PIBF1: variants seen among roughly 807,000 people sequenced by gnomAD.
The protein encoded by PIBF1 is progesterone-induced-blocking factor 1.
Under a neutral mutation model 112.5 loss-of-function variants are expected in PIBF1, and 90 were observed. The observed-to-expected ratio is 0.80, with a 90% CI of 0.67 to 0.95. The LOEUF (loss-of-function observed/expected upper bound fraction) is 0.95. Among genes scored for constraint, PIBF1 ranks in the 40% least tolerant of loss-of-function variants. PIBF1 has a pLI of 0.00. For synonymous variants in PIBF1, 301 were observed against 288.6 expected (o/e 1.04, Z -0.44); for missense variants, 915 against 852.3 (o/e 1.07, Z -0.92).
intron 9 of PIBF1, among the ~76,000 whole-genome samples, chr13:72,850,431 T>C (rs537946254): frequency 6.6e-6 from 1 of 152,258 alleles, no homozygotes; most frequent in Non-Finnish European, 1.5e-5. Context: ...CTTAACATAG[T>C]ACCCGCTAAT....
At chr13:72,819,986 T>C (rs2138113535) in intron 5 of PIBF1, among the ~76,000 whole-genome samples, 1 of 152,288 alleles carries the variant, frequency 6.6e-6, no homozygotes, top group Admixed American at 6.5e-5. Context: ...CTTGTATTTA[T>C]GTTCCTCCAA....
chr13:72,941,720 G>GC (rs1357053329), intron 14 of PIBF1, among the ~76,000 whole-genome samples: 1 of 152,142 alleles, frequency 6.6e-6, no homozygotes, highest in Non-Finnish European at 1.5e-5. Context: ...GCGTCAAGGT[G>GC]CATAGGTAAA....
At chr13:72,870,898 A>C (rs903644010) in intron 10 of PIBF1, among the ~76,000 whole-genome samples, 2 of 152,046 alleles carry the variant, frequency 1.3e-5, no homozygotes, top group Non-Finnish European at 2.9e-5. Flanking sequence ...ATAAGGATAG[A>C]CAGTTTCATT....
At chr13:72,913,213 C>G (rs9543173) in intron 12 of PIBF1, among the ~76,000 whole-genome samples, 20,265 of 151,882 alleles carry the variant, frequency 0.13, 1,569 homozygotes, top group Non-Finnish European at 0.17. Context: ...AAACACATGT[C>G]TGTACATTTC....
chr13:72,951,799 T>C (rs2042303932), intron 14 of PIBF1, among the ~76,000 whole-genome samples: 1 of 152,140 alleles, frequency 6.6e-6, no homozygotes, highest in South Asian at 2.1e-4. Context: ...CCTCCCAGGC[T>C]CAAGCAATTC....
intron 11 of PIBF1, among the ~76,000 whole-genome samples, chr13:72,906,816 G>T (rs987717292): frequency 2.0e-5 from 3 of 152,014 alleles, no homozygotes; most frequent in Non-Finnish European, 1.5e-5. Flanking sequence ...TTTGCAGGGG[G>T]AGGTGGGGTA....
chr13:72,928,008 T>TATATATATATAC lies in PIBF1; in HGVS notation c.1731-3150_1731-3149insTATACATATATA, dbSNP rs1386889197. The stretch of plus-strand genomic sequence containing the variant: ...ATATATACACACACATATATATACA[T>TATATATATATAC]ATATATACATATATATACATATATA... On this transcript the variant is annotated intron_variant, in intron 13 of 17. Transcript: ENST00000326291. Among the ~76,000 whole-genome samples the TATATATATATAC allele has an allele frequency of 2.5e-4, 17 of 68,928 alleles. 1 individual carries two copies. Among genetic ancestry groups the TATATATATATAC allele is most frequent in the African/African-American group, 9.9e-4 (15 of 15,140 alleles). The allele number at this position is 68,928 out of a possible 152,430, so 45.2% of individuals were successfully genotyped here.
intron 9 of PIBF1, among the ~76,000 whole-genome samples, chr13:72,835,806 A>AAT (rs978359575): frequency 2.2e-4 from 34 of 152,308 alleles, no homozygotes; most frequent in African/African-American, 7.9e-4. Flanking sequence ...ATCCTGAAGA[A>AAT]ATATCATTTT....
Position 72,963,342 on chromosome 13 carries a change from C to T in PIBF1, c.1834-1932C>T, listed in dbSNP as rs955703379. Reference sequence around the variant, plus strand: ...GACCCAATGGCTCATGCCTGTAATCCCAGCACTTTGGGAGGCCAAGGCAGG... The same window carrying T: ...GACCCAATGGCTCATGCCTGTAATCTCAGCACTTTGGGAGGCCAAGGCAGG... On this transcript the variant is annotated intron_variant, in intron 14 of 17. Coordinates refer to ENST00000326291, the MANE Select transcript of PIBF1 (RefSeq NM_006346.4). Among the ~76,000 whole-genome samples the T allele has an allele frequency of 2.6e-5, 4 of 152,076 alleles. 1 individual carries two copies. The highest frequency in any genetic ancestry group is 9.7e-5 in the African/African-American group (4 of 41,410).
intron 16 of PIBF1, among the ~76,000 whole-genome samples, chr13:72,981,029 G>A (rs1210688540): frequency 2.6e-5 from 4 of 151,830 alleles, no homozygotes; most frequent in African/African-American, 9.7e-5. Flanking sequence ...TGGATCCCTT[G>A]AGGCCAGGAG....
chr13:72,865,761 C>A, intron 10 of PIBF1, among the ~76,000 whole-genome samples: 1 of 152,172 alleles, frequency 6.6e-6, no homozygotes, highest in East Asian at 1.9e-4. Flanking sequence ...GTTGTTCTTT[C>A]TGCCACACCA....
intron 2 of PIBF1, among the ~76,000 whole-genome samples, chr13:72,789,413 C>G (rs1367001457): frequency 1.3e-5 from 2 of 152,092 alleles, no homozygotes; most frequent in South Asian, 2.1e-4. Context: ...TCTCAAACTC[C>G]TGGCTTCAAG....
intron 9 of PIBF1, chr13:72,836,059 A>G (rs958306608): frequency 2.2e-6 from 1 of 445,154 alleles, no homozygotes; most frequent in Non-Finnish European, 4.5e-6. Context: ...AGATCGCACC[A>G]CTACACTCCA....
At chr13:72,831,675 T>A (rs1311284182) in intron 8 of PIBF1, among the ~76,000 whole-genome samples, 1 of 152,188 alleles carries the variant, frequency 6.6e-6, no homozygotes, top group Non-Finnish European at 1.5e-5. Flanking sequence ...GAGGGGTGTT[T>A]TACTTCCTAT....
chr13:72,988,622 CTT>C (rs1325976102), intron 16 of PIBF1, among the ~76,000 whole-genome samples: 2 of 152,048 alleles, frequency 1.3e-5, no homozygotes, highest in Non-Finnish European at 2.9e-5. Flanking sequence ...GAATGGATGA[CTT>C]TGAATTAAAG....
intron 17 of PIBF1, among the ~76,000 whole-genome samples, chr13:73,003,428 A>G (rs573190606): frequency 8.4e-4 from 127 of 151,620 alleles, no homozygotes; most frequent in African/African-American, 3.0e-3. Flanking sequence ...AATTTTTTGT[A>G]TTTTTTTGTA....
intron 10 of PIBF1, among the ~76,000 whole-genome samples, chr13:72,854,771 C>G (rs767631240): frequency 2.4e-4 from 36 of 150,136 alleles, no homozygotes; most frequent in Non-Finnish European, 5.0e-4. Context: ...TTTAAAAAAC[C>G]TGCCAATGGT....
At chr13:72,989,681 T>C (rs895514148) in intron 16 of PIBF1, among the ~76,000 whole-genome samples, 2 of 152,174 alleles carry the variant, frequency 1.3e-5, no homozygotes, top group Admixed American at 6.6e-5. Flanking sequence ...ATGATGGAAA[T>C]ATTTTAAAAT....
chr13:72,958,890 T>C (rs1424893453), intron 14 of PIBF1, among the ~76,000 whole-genome samples: 1 of 152,154 alleles, frequency 6.6e-6, no homozygotes, highest in African/African-American at 2.4e-5. Flanking sequence ...ATTCTTCAAA[T>C]CTGGCTGATT....
Sources: allele counts gnomAD v4.1 joint callset (sites outside exome capture counted in the v4.1 genomes callset), GRCh38; gene constraint gnomAD v4.1.1; transcripts MANE v1.5; gene names NCBI Gene and HGNC (gene_info 2026-07-23, HGNC 2026-07-21).